Variants in DIAPH3 observed in about 807,000 individuals in gnomAD.
DIAPH3 encodes protein diaphanous homolog 3.
DIAPH3 carries 117 observed loss-of-function variants against 144.3 expected under a neutral mutation model. The observed-to-expected ratio is 0.81, with a 90% CI of 0.70 to 0.95. The LOEUF (loss-of-function observed/expected upper bound fraction) is 0.95, where lower values mean the gene tolerates loss of function less well. Ranked by LOEUF, DIAPH3 falls within the 40% of genes least tolerant of loss-of-function variation. The pLI, the probability that DIAPH3 is intolerant of heterozygous loss-of-function variation, is 0.00. For missense variants in DIAPH3, 1,421 were observed against 1,412.7 expected (o/e 1.01, Z -0.09); for synonymous variants, 519 against 488.9 (o/e 1.06, Z -0.81).
chr13:59,797,614 C>T (rs1007427373), intron 25 of DIAPH3, among the ~76,000 whole-genome samples: 5 of 152,116 alleles, frequency 3.3e-5, no homozygotes, highest in Admixed American at 6.5e-5. Context: ...GCAAAATAAA[C>T]GAATGCAGAC....
At chr13:59,943,547 C>G (rs933734058) in intron 17 of DIAPH3, among the ~76,000 whole-genome samples, 2 of 152,164 alleles carry the variant, frequency 1.3e-5, no homozygotes, top group African/African-American at 4.8e-5. Flanking sequence ...TTCACTCACT[C>G]ACTCCCTCCC....
intron 22 of DIAPH3, among the ~76,000 whole-genome samples, chr13:59,859,234 T>C (rs2043431657): frequency 6.6e-6 from 1 of 152,140 alleles, no homozygotes; most frequent in African/African-American, 2.4e-5. Context: ...GGCTGCTCCC[T>C]GTGAAACATA....
chr13:59,705,046 T>A (rs964981046), intron 27 of DIAPH3, among the ~76,000 whole-genome samples: 1 of 152,200 alleles, frequency 6.6e-6, no homozygotes, highest in Non-Finnish European at 1.5e-5. Flanking sequence ...AATGAACTGA[T>A]TTGTCCTTCC....
chr13:59,948,151 C>T (rs1027892761), intron 17 of DIAPH3, among the ~76,000 whole-genome samples: 3 of 152,260 alleles, frequency 2.0e-5, no homozygotes, highest in South Asian at 2.1e-4. Flanking sequence ...CAAGTCAAAA[C>T]ATTATGGAGA....
At chr13:59,739,899 T>C (rs2036359362) in intron 27 of DIAPH3, among the ~76,000 whole-genome samples, 1 of 152,164 alleles carries the variant, frequency 6.6e-6, no homozygotes, top group African/African-American at 2.4e-5. Context: ...AAACAAAACT[T>C]GGATTTGCTG....
intron 5 of DIAPH3, among the ~76,000 whole-genome samples, chr13:60,023,176 A>C (rs2054142187): frequency 6.6e-6 from 1 of 152,208 alleles, no homozygotes; most frequent in South Asian, 2.1e-4. Flanking sequence ...CTGCACCTGA[A>C]GATCTTTTGG....
chr13:59,672,249 T>C (rs1234262710), intron 27 of DIAPH3, among the ~76,000 whole-genome samples: 1 of 152,206 alleles, frequency 6.6e-6, no homozygotes, highest in Non-Finnish European at 1.5e-5. Context: ...AAGTTAGTAT[T>C]GATCCCCCCT....
intron 27 of DIAPH3, among the ~76,000 whole-genome samples, chr13:59,708,635 A>C (rs905925217): frequency 9.2e-5 from 14 of 152,040 alleles, no homozygotes; most frequent in African/African-American, 3.4e-4. Context: ...TGAGCCCCAA[A>C]TGTCCGTATG....
At chr13:60,135,066 T>C (rs891923680) in intron 1 of DIAPH3, among the ~76,000 whole-genome samples, 14 of 152,036 alleles carry the variant, frequency 9.2e-5, no homozygotes, top group Admixed American at 7.9e-4. Flanking sequence ...AAATAGGAAA[T>C]GTAAGTTACA....
At chr13:60,031,628 C>T (rs1043648881) in intron 5 of DIAPH3, among the ~76,000 whole-genome samples, 1 of 147,610 alleles carries the variant, frequency 6.8e-6, no homozygotes, top group Non-Finnish European at 1.5e-5. Flanking sequence ...AACGGGGGTA[C>T]AGATATTAGG....
intron 5 of DIAPH3, among the ~76,000 whole-genome samples, chr13:60,022,507 G>A (rs908272365): frequency 5.3e-5 from 8 of 152,170 alleles, no homozygotes. Flanking sequence ...GAAGCAAGGT[G>A]TTCAAAATCA....
At chr13:60,041,161 G>A (rs1489247808) in intron 5 of DIAPH3, among the ~76,000 whole-genome samples, 1 of 151,470 alleles carries the variant, frequency 6.6e-6, no homozygotes, top group South Asian at 2.1e-4. Flanking sequence ...ATATTCTACA[G>A]GCAAAGATTA....
intron 27 of DIAPH3, among the ~76,000 whole-genome samples, chr13:59,756,652 C>A (rs1484249511): frequency 2.0e-5 from 3 of 152,088 alleles, no homozygotes; most frequent in Non-Finnish European, 4.4e-5. Flanking sequence ...AGGTTAGTCA[C>A]AGTTAGTTTT....
intron 27 of DIAPH3, 28 bp downstream of exon 27, chr13:59,774,161 T>A: frequency 6.2e-7 from 1 of 1,607,332 alleles, no homozygotes; most frequent in Non-Finnish European, 8.5e-7. Flanking sequence ...ATAAGAAGAA[T>A]GTGCAATTTA....
chr13:59,800,894 AT>A (rs1441944114), intron 25 of DIAPH3, among the ~76,000 whole-genome samples: 16 of 152,296 alleles, frequency 1.1e-4, no homozygotes, highest in Admixed American at 5.9e-4. Context: ...TAATACATTT[AT>A]TTTTTATCTA....
At chr13:59,960,574 A>G (rs910372944) in intron 17 of DIAPH3, among the ~76,000 whole-genome samples, 2 of 152,184 alleles carry the variant, frequency 1.3e-5, no homozygotes, top group Admixed American at 6.5e-5. Flanking sequence ...AAGGCTCTCT[A>G]TGCCTTAATT....
intron 3 of DIAPH3, among the ~76,000 whole-genome samples, chr13:60,104,979 C>T (rs890887411): frequency 1.3e-5 from 2 of 151,552 alleles, no homozygotes; most frequent in African/African-American, 4.9e-5. Context: ...ACCTGTAGTC[C>T]CAGCTACTCG....
intron 21 of DIAPH3, among the ~76,000 whole-genome samples, chr13:59,862,798 G>A (rs1370458095): frequency 6.6e-6 from 1 of 151,896 alleles, no homozygotes; most frequent in African/African-American, 2.4e-5. Context: ...AAATCACAAA[G>A]GTGATGCATT....
chr13:59,715,670 C>T (rs1161397115), intron 27 of DIAPH3, among the ~76,000 whole-genome samples: 1 of 151,814 alleles, frequency 6.6e-6, no homozygotes, highest in East Asian at 1.9e-4. Context: ...TAGTTTGTCC[C>T]AATTATAGCA....
Sources: allele counts gnomAD v4.1 joint callset (sites outside exome capture counted in the v4.1 genomes callset), GRCh38; gene constraint gnomAD v4.1.1; transcripts MANE v1.5; gene names NCBI Gene and HGNC (gene_info 2026-07-23, HGNC 2026-07-21).